GNG2: variants seen among roughly 807,000 people sequenced by gnomAD.
The protein encoded by GNG2 is G protein subunit gamma 2, also known as guanine nucleotide-binding protein G(I)/G(S)/G(O) subunit gamma-2.
Under a neutral mutation model 5.5 loss-of-function variants are expected in GNG2, and 5 were observed. The ratio of observed to expected loss-of-function variants is 0.91; its 90% CI spans 0.48 to 1.92. GNG2 has a LOEUF of 1.92. Ranked by LOEUF, GNG2 falls within the 30% of genes most tolerant of loss-of-function variation. The pLI, the probability that GNG2 is intolerant of heterozygous loss-of-function variation, is 0.01. For missense variants in GNG2, 55 were observed against 88.4 expected (o/e 0.62, Z 1.52); for synonymous variants, 28 against 32.0 (o/e 0.88, Z 0.42).
intron 2 of GNG2, among the ~76,000 whole-genome samples, chr14:51,879,602 T>A (rs890993886): frequency 6.6e-6 from 1 of 152,218 alleles, no homozygotes; most frequent in Admixed American, 6.5e-5. Flanking sequence ...TTCTGAAGGC[T>A]CTCTGGGTTG....
chr14:51,883,679 G>A (rs78469042), intron 2 of GNG2, among the ~76,000 whole-genome samples: 4,749 of 152,194 alleles, frequency 0.031, 296 homozygotes, highest in East Asian at 0.24. Context: ...ATATACATTC[G>A]TAGAGATGAA....
At chr14:51,925,892 G>C (rs181135673) in intron 2 of GNG2, among the ~76,000 whole-genome samples, 114 of 152,124 alleles carry the variant, frequency 7.5e-4, no homozygotes, top group African/African-American at 2.6e-3. Flanking sequence ...TAAGTGCTAG[G>C]ATTACAGGTG....
intron 2 of GNG2, among the ~76,000 whole-genome samples, chr14:51,853,803 A>G (rs1882021932): frequency 6.6e-6 from 1 of 152,088 alleles, no homozygotes; most frequent in Admixed American, 6.6e-5. Flanking sequence ...TTGTGGGTGC[A>G]CAGTGTTCTC....
At chr14:51,909,774 A>G (rs761035091) in intron 2 of GNG2, among the ~76,000 whole-genome samples, 6 of 152,226 alleles carry the variant, frequency 3.9e-5, no homozygotes, top group Non-Finnish European at 8.8e-5. Context: ...CTGTCTGTGC[A>G]TTGATGAAGG....
intron 2 of GNG2, among the ~76,000 whole-genome samples, chr14:51,884,168 G>C (rs1386101438): frequency 6.6e-6 from 1 of 152,070 alleles, no homozygotes; most frequent in East Asian, 1.9e-4. Flanking sequence ...TCTGAGCTAA[G>C]TTTTACATTT....
rs144364053 is a variant in GNG2 at position 51,967,966 on chromosome 14, C to A, written c.*1279C>A. 1 of 152,158 alleles carries A rather than the reference C, an allele frequency of 6.6e-6. No homozygotes were observed. The highest frequency in any genetic ancestry group is 2.4e-5 in the African/African-American group (1 of 41,428). 9.4% of individuals were successfully genotyped at this position (152,158 alleles called of 1,614,324 possible). A position where few individuals can be genotyped will look rare whatever the true frequency, so the allele number is the denominator to read the frequency against. On this transcript the variant is annotated 3_prime_UTR_variant, in exon 4 of 4. Transcript: ENST00000556766. ...GGACCTCAAATCGCCACTCTTTGGGCGGCAGGTGCGGTCCCCACGGCCGGC... is the reference window on the plus strand; with the variant it reads ...GGACCTCAAATCGCCACTCTTTGGGAGGCAGGTGCGGTCCCCACGGCCGGC...
chr14:51,885,673 C>T (rs934455358), intron 2 of GNG2, among the ~76,000 whole-genome samples: 1 of 152,172 alleles, frequency 6.6e-6, no homozygotes, highest in East Asian at 1.9e-4. Context: ...AGCCTTTTTA[C>T]TTAAAAGACC....
chr14:51,865,811 G>C (rs910006726), intron 1 of GNG2, among the ~76,000 whole-genome samples: 1 of 152,172 alleles, frequency 6.6e-6, no homozygotes, highest in African/African-American at 2.4e-5. Flanking sequence ...CTGTGGAATA[G>C]AGATTTAAAT....
intron 3 of GNG2, among the ~76,000 whole-genome samples, chr14:51,965,573 T>G (rs1380475188): frequency 6.6e-6 from 1 of 152,192 alleles, no homozygotes; most frequent in Non-Finnish European, 1.5e-5. Context: ...CCAGAATCAG[T>G]GACGACCTCC....
intron 2 of GNG2, among the ~76,000 whole-genome samples, chr14:51,843,582 A>AT (rs1881544650): frequency 3.6e-5 from 1 of 27,662 alleles, no homozygotes; most frequent in Non-Finnish European, 4.7e-4. Flanking sequence ...AAAGTTAAAA[A>AT]AAAAAAAAAC....
At chr14:51,910,045 G>A (rs2140199553) in intron 2 of GNG2, among the ~76,000 whole-genome samples, 1 of 152,320 alleles carries the variant, frequency 6.6e-6, no homozygotes, top group South Asian at 2.1e-4. Flanking sequence ...TGGGGCGGAA[G>A]CTATGATAAG....
At chr14:51,966,227 A>AAAAAAAAAAAC (rs1566720331) in intron 3 of GNG2, among the ~76,000 whole-genome samples, 16 of 148,938 alleles carry the variant, frequency 1.1e-4, no homozygotes, top group African/African-American at 3.9e-4. Context: ...AAAAAAAAAA[A>AAAAAAAAAAAC]AAAAAAAAAA....
intron 1 of GNG2, among the ~76,000 whole-genome samples, chr14:51,861,109 C>T (rs1038522101): frequency 7.9e-5 from 12 of 152,148 alleles, no homozygotes; most frequent in Admixed American, 5.2e-4. Context: ...GTGGTCTGGT[C>T]ATCGGAGCCC....
intron 2 of GNG2, among the ~76,000 whole-genome samples, chr14:51,847,875 CTTTTTCTT>C (rs1269241708): frequency 0.017 from 1,149 of 65,864 alleles, 28 homozygotes; most frequent in Non-Finnish European, 0.02. Flanking sequence ...AATACAGGTC[CTTTTTCTT>C]TTTTTTTTTT....
intron 2 of GNG2, among the ~76,000 whole-genome samples, chr14:51,935,722 C>T (rs947743400): frequency 6.6e-6 from 1 of 151,386 alleles, no homozygotes; most frequent in African/African-American, 2.4e-5. Context: ...CACAGTTCTG[C>T]AGGCCGTTGT....
intron 2 of GNG2, among the ~76,000 whole-genome samples, chr14:51,889,109 C>CCTTTTTT (rs1445313036): frequency 1.7e-5 from 2 of 118,938 alleles, no homozygotes. Flanking sequence ...TGGGTTTGCG[C>CCTTTTTT]TTTTTTTTTT....
At chr14:51,835,554 G>T (rs946061958) in intron 2 of GNG2, among the ~76,000 whole-genome samples, 1 of 152,104 alleles carries the variant, frequency 6.6e-6, no homozygotes, top group African/African-American at 2.4e-5. Context: ...GACCCAGCAC[G>T]TCAAAGTCTA....
chr14:51,856,259 G>A (rs1882154851), upstream of GNG2, among the ~76,000 whole-genome samples: 1 of 152,028 alleles, frequency 6.6e-6, no homozygotes, highest in African/African-American at 2.4e-5. Context: ...ATTGCAGAGA[G>A]ATTAAAGAGT....
At chr14:51,891,750 C>T (rs1040473416) in intron 2 of GNG2, among the ~76,000 whole-genome samples, 5 of 152,160 alleles carry the variant, frequency 3.3e-5, no homozygotes, top group African/African-American at 1.2e-4. Context: ...GTAGTTTACC[C>T]ATTTTTACTG....
Sources: allele counts gnomAD v4.1 joint callset (sites outside exome capture counted in the v4.1 genomes callset), GRCh38; gene constraint gnomAD v4.1.1; transcripts MANE v1.5; gene names NCBI Gene and HGNC (gene_info 2026-07-23, HGNC 2026-07-21).